The following RAB38 variants were observed in gnomAD, a reference collection of about 807,000 sequenced individuals.
RAB38 encodes the protein ras-related protein Rab-38.
A neutral mutation model predicts 18.4 loss-of-function variants in RAB38; 15 were observed. That is an observed-to-expected ratio of 0.82 (90% CI 0.55 to 1.26). The LOEUF (loss-of-function observed/expected upper bound fraction) is 1.26. Among genes scored for constraint, RAB38 ranks in the 50% most tolerant of loss-of-function variants. The pLI is 0.00. For missense variants in RAB38, 294 were observed against 267.4 expected (o/e 1.10, Z -0.69); for synonymous variants, 101 against 104.4 (o/e 0.97, Z 0.20).
At chr11:87,863,106 A>G in the RAB38 span, among the ~76,000 whole-genome samples, 1 of 151,862 alleles carries the variant, frequency 6.6e-6, no homozygotes, top group Non-Finnish European at 1.5e-5. Context: ...GGATGAATGA[A>G]TAGGAAGAAG....
the RAB38 span, among the ~76,000 whole-genome samples, chr11:87,847,510 T>A: frequency 3.3e-5 from 5 of 152,130 alleles, no homozygotes; most frequent in African/African-American, 9.6e-5. Flanking sequence ...ATTCTCCCTC[T>A]CTTTCAAAAC....
At chr11:87,952,553 G>T in the RAB38 span, among the ~76,000 whole-genome samples, 2 of 152,148 alleles carry the variant, frequency 1.3e-5, no homozygotes, top group Non-Finnish European at 2.9e-5. Flanking sequence ...GGCAATGGGA[G>T]CTAAAGCTGT....
At chr11:88,159,095 T>G (rs1020745146) in intron 1 of RAB38, among the ~76,000 whole-genome samples, 2 of 151,822 alleles carry the variant, frequency 1.3e-5, no homozygotes, top group African/African-American at 4.8e-5. Context: ...CAGTAAAATT[T>G]TGGGATGCAA....
the RAB38 span, among the ~76,000 whole-genome samples, chr11:87,886,210 C>T: frequency 6.6e-6 from 1 of 151,960 alleles, no homozygotes; most frequent in Non-Finnish European, 1.5e-5. Context: ...TTCTCTCAAA[C>T]TTTTTCTCAT....
At chr11:87,947,398 T>A in the RAB38 span, among the ~76,000 whole-genome samples, 1 of 152,178 alleles carries the variant, frequency 6.6e-6, no homozygotes, top group African/African-American at 2.4e-5. Flanking sequence ...TTTAATTAGA[T>A]CCCATTTGTC....
At chr11:87,889,559 A>T in the RAB38 span, among the ~76,000 whole-genome samples, 3 of 151,906 alleles carry the variant, frequency 2.0e-5, no homozygotes, top group Non-Finnish European at 4.4e-5. Flanking sequence ...TAGCTACTAT[A>T]TGTGAGGTTG....
the RAB38 span, among the ~76,000 whole-genome samples, chr11:88,011,453 G>A: frequency 2.6e-5 from 4 of 152,122 alleles, no homozygotes; most frequent in Admixed American, 2.6e-4. Context: ...AGACTGACCT[G>A]CATAGAGTAA....
the RAB38 span, among the ~76,000 whole-genome samples, chr11:87,901,516 T>C: frequency 2.6e-5 from 4 of 151,694 alleles, no homozygotes; most frequent in South Asian, 6.2e-4. Flanking sequence ...AATAGCTCTA[T>C]AAACATCAGC....
At chr11:88,031,283 G>A in the RAB38 span, among the ~76,000 whole-genome samples, 8 of 151,456 alleles carry the variant, frequency 5.3e-5, no homozygotes, top group African/African-American at 1.7e-4. Context: ...TACTGAATGG[G>A]CAAAAACTGG....
the RAB38 span, among the ~76,000 whole-genome samples, chr11:87,898,664 T>C: frequency 4.2e-4 from 63 of 151,748 alleles, no homozygotes; most frequent in East Asian, 8.8e-3. Flanking sequence ...AAAATGAACA[T>C]TGTCAGAATC....
the RAB38 span, among the ~76,000 whole-genome samples, chr11:88,028,763 T>A: frequency 6.6e-6 from 1 of 152,168 alleles, no homozygotes; most frequent in Admixed American, 6.5e-5. Flanking sequence ...TTGGTGTACA[T>A]GAAAGTGACA....
chr11:88,158,209 A>C (rs961930622), intron 1 of RAB38, among the ~76,000 whole-genome samples: 11 of 152,178 alleles, frequency 7.2e-5, no homozygotes, highest in Non-Finnish European at 1.6e-4. Context: ...GGAAACACAC[A>C]ATCTGCCAAG....
chr11:88,172,379 C>G (rs1314794659), intron 1 of RAB38, among the ~76,000 whole-genome samples: 2 of 152,144 alleles, frequency 1.3e-5, no homozygotes, highest in Non-Finnish European at 2.9e-5. Flanking sequence ...ATCTACATGG[C>G]TATAAGAGAC....
At chr11:88,025,904 T>C in the RAB38 span, among the ~76,000 whole-genome samples, 4 of 152,164 alleles carry the variant, frequency 2.6e-5, no homozygotes, top group African/African-American at 9.7e-5. Flanking sequence ...ATTTTTTTGT[T>C]GCAGGTGATT....
chr11:87,931,219 G>T, the RAB38 span, among the ~76,000 whole-genome samples: 6 of 151,810 alleles, frequency 4.0e-5, no homozygotes, highest in Non-Finnish European at 7.4e-5. Context: ...TTCCATTTTG[G>T]ATAATAAACT....
chr11:87,955,673 T>C, the RAB38 span, among the ~76,000 whole-genome samples: 9,502 of 139,514 alleles, frequency 0.068, 427 homozygotes, highest in Non-Finnish European at 0.097. Flanking sequence ...CAATCATCTA[T>C]CTATCAATCA....
At chr11:88,020,763 C>A in the RAB38 span, among the ~76,000 whole-genome samples, 582 of 152,066 alleles carry the variant, frequency 3.8e-3, 3 homozygotes, top group African/African-American at 0.014. Flanking sequence ...TGAACACAAT[C>A]GAATGAAACT....
chr11:87,872,052 T>C, the RAB38 span, among the ~76,000 whole-genome samples: 4 of 151,570 alleles, frequency 2.6e-5, no homozygotes, highest in African/African-American at 9.7e-5. Context: ...TAGTGGTTAA[T>C]ACTTTACCAA....
At chr11:87,905,793 G>A in the RAB38 span, among the ~76,000 whole-genome samples, 1 of 151,898 alleles carries the variant, frequency 6.6e-6, no homozygotes, top group African/African-American at 2.4e-5. Context: ...CTAAATAGGA[G>A]TCTTATGTAG....
Sources: gnomAD v4.1 joint callset for allele counts (sites outside exome capture counted in the v4.1 genomes callset) on GRCh38, gnomAD v4.1.1 for gene constraint, MANE v1.5 for transcripts, NCBI Gene and HGNC (gene_info 2026-07-23, HGNC 2026-07-21) for gene names.